F11: variants seen among roughly 807,000 people sequenced by gnomAD.
F11 encodes coagulation factor XI, also known as coagualtion factor XI.
In F11, 78 loss-of-function variants were observed where a neutral mutation model predicts 76.5. The observed-to-expected ratio is 1.02, with a 90% confidence interval of 0.85 to 1.23. The LOEUF is 1.23. Ranked by LOEUF, F11 falls within the 50% of genes most tolerant of loss-of-function variation. The pLI is 0.00. For missense variants in F11, 742 were observed against 771.4 expected (o/e 0.96, Z 0.45); for synonymous variants, 278 against 276.3 (o/e 1.01, Z -0.06).
intron 14 of F11, 137 bp from the exon 15 acceptor site, chr4:186,288,316 G>A (rs1244009584): frequency 1.3e-5 from 13 of 1,006,156 alleles, no homozygotes; most frequent in Non-Finnish European, 1.6e-5. Context: ...CTGGATGAAC[G>A]CAAGCACCCA....
intron 3 of F11, among the ~76,000 whole-genome samples, chr4:186,272,161 A>G (rs4253834): frequency 1.3e-3 from 204 of 152,178 alleles, no homozygotes; most frequent in African/African-American, 4.9e-3. Context: ...AGAAAATTTG[A>G]AAAAAAGTAC....
rs537132475 is a variant in F11, at chr4:186,277,368, A to C, written c.755+978A>C. On this transcript the variant is annotated intron_variant, in intron 7 of 14. Transcript: ENST00000403665. ...TATTGTGAATAGTGCTGCAGTAAAC[A>C]TGTGAGTGTAGGTATCTTTGTGACA... 1.4e-4 allele frequency among the ~76,000 whole-genome samples: 21 copies of C among 152,304 alleles called. No individual in the cohort carries two copies. The South Asian group carries it at 4.3e-3, about 32-fold the overall frequency.
At chr4:186,271,995 C>T (rs1740008515) in intron 3 of F11, among the ~76,000 whole-genome samples, 2 of 152,092 alleles carry the variant, frequency 1.3e-5, no homozygotes, top group South Asian at 2.1e-4. Context: ...CCTATAGTCT[C>T]ATATTAATGG....
chr4:186,283,212 C>CGTGT (rs545862573), intron 10 of F11: 1 of 174,040 alleles, frequency 5.7e-6, no homozygotes, highest in Non-Finnish European at 1.1e-5. Flanking sequence ...TAGGTGTGTG[C>CGTGT]GTGTGTGTGC....
Position 186,289,019 on chromosome 4 carries a change from C to CTTTTAT in F11, c.*405_*406insTTTTAT. On this transcript the variant is annotated 3_prime_UTR_variant, in exon 15 of 15. Coordinates refer to ENST00000403665, the MANE Select transcript of F11 (RefSeq NM_000128.4). ...AGATGAAAACTGGAAGAAAGGAGAA[C>CTTTTAT]AAAGACAGTCTTCACCATTTTGCAG... 3.8e-6 allele frequency: 1 copy of CTTTTAT among 265,716 alleles called. No homozygotes were observed. The highest frequency in any genetic ancestry group is 4.5e-5 in the South Asian group (1 of 22,250). The allele number at this position is 265,716 out of a possible 1,614,324, so 16.5% of individuals were successfully genotyped here.
chr4:186,274,905 G>A, intron 5 of F11: 1 of 178,386 alleles, frequency 5.6e-6, no homozygotes, highest in South Asian at 1.2e-4. Flanking sequence ...ACAGAAAAGT[G>A]AAAAACATTC....
In F11 at chr4:186,287,796, C is replaced by T; in HGVS notation, c.1689C>T (p.Tyr563=). Residue 563 remains tyrosine, a synonymous_variant, in exon 14 of 15, where the codon TAC becomes TAT. Coordinates refer to ENST00000403665, the MANE Select transcript of F11 (RefSeq NM_000128.4). Reference sequence around the variant, plus strand: ...CCCATAAGATGATCTGTGCCGGCTACAGGGAAGGAGGGAAGGACGCTTGCA... The same window carrying T: ...CCCATAAGATGATCTGTGCCGGCTATAGGGAAGGAGGGAAGGACGCTTGCA... ...KITHKMICAG[Y]REGGKDACKG... is the part of the protein sequence containing the mutation. 1 of 1,613,174 alleles carries T rather than the reference C, an allele frequency of 6.2e-7. No individual in the cohort carries two copies. Among genetic ancestry groups the T allele is most frequent in the Non-Finnish European group, 8.5e-7 (1 of 1,179,514 alleles).
At chr4:186,272,880 A>G (rs1740082034) in intron 3 of F11, 191 bp from the exon 4 acceptor site, 7 of 545,632 alleles carry the variant, frequency 1.3e-5, no homozygotes, top group Non-Finnish European at 1.6e-5. Flanking sequence ...GGAGTATTAC[A>G]TGCAGTCTCT....
intron 10 of F11, chr4:186,282,548 A>G: frequency 1.0e-6 from 1 of 985,330 alleles, no homozygotes; most frequent in Non-Finnish European, 1.2e-6. Flanking sequence ...GATTCTAAAC[A>G]CATATTTTCA....
At chr4:186,279,716 G>C (rs968009198) in intron 7 of F11, among the ~76,000 whole-genome samples, 3 of 152,176 alleles carry the variant, frequency 2.0e-5, no homozygotes, top group Non-Finnish European at 4.4e-5. Flanking sequence ...TAGGCTGGGA[G>C]TGTTGAAAGG....
At chr4:186,288,327 G>C (rs1223277539) in intron 14 of F11, 126 bp from the exon 15 acceptor site, 5 of 1,144,338 alleles carry the variant, frequency 4.4e-6, no homozygotes, top group Non-Finnish European at 6.6e-6. Context: ...CAAGCACCCA[G>C]GTTCTCTGCA....
At chr4:186,276,775 G>C (rs1740421292) in intron 7 of F11, among the ~76,000 whole-genome samples, 1 of 151,852 alleles carries the variant, frequency 6.6e-6, no homozygotes, top group Admixed American at 6.6e-5. Context: ...TTTTAGTAGA[G>C]ATGGGGTTTC....
chr4:186,277,270 G>A (rs76605739), intron 7 of F11, among the ~76,000 whole-genome samples: 2,221 of 152,236 alleles, frequency 0.015, 27 homozygotes, highest in Non-Finnish European at 0.023. Context: ...ACATTCTATA[G>A]TATATTCTAT....
rs531215066 is a variant in F11 at position 186,287,229 on chromosome 4, C to T, written c.1577-455C>T. 3.3e-5 allele frequency among the ~76,000 whole-genome samples: 5 copies of T among 151,982 alleles called. No homozygotes were observed. In the South Asian group the frequency reaches 1.0e-3, roughly 32 times the overall value. ...GACCTCGTGATCCACCTGCCTCGGCCTTCCAAAGTGCTGGAATTACAGGCG... is the reference window on the plus strand; with the variant it reads ...GACCTCGTGATCCACCTGCCTCGGCTTTCCAAAGTGCTGGAATTACAGGCG... On this transcript the variant is annotated intron_variant, in intron 13 of 14. Transcript: ENST00000403665.
chr4:186,278,761 G>A (rs1740566210), intron 7 of F11, among the ~76,000 whole-genome samples: 1 of 152,134 alleles, frequency 6.6e-6, no homozygotes, highest in African/African-American at 2.4e-5. Flanking sequence ...AAATTCAGAA[G>A]AGAGGTTTAT....
At chr4:186,279,959 T>C (rs1364936067) in intron 7 of F11, 53 bp from the exon 8 acceptor site, 1 of 1,348,812 alleles carries the variant, frequency 7.4e-7, no homozygotes, top group African/African-American at 1.4e-5. Flanking sequence ...GCTGTAAAAA[T>C]GTTTTTATGT....
In F11 at chr4:186,284,226, C is replaced by G; in HGVS notation, c.1270C>G (p.Gln424Glu). The G allele has an allele frequency of 6.2e-7, 1 of 1,614,230 alleles. No individual in the cohort carries two copies. The highest frequency in any genetic ancestry group is 8.5e-7 in the Non-Finnish European group (1 of 1,180,042). ...GTGTGGAGGCTCCATCATTGGAAAC[C>G]AGTGGATATTAACAGCCGCTCACTG... ...HLCGGSIIGNQWILTAAHCFY... is the reference protein window; with the variant it reads ...HLCGGSIIGNEWILTAAHCFY... Residue 424 changes from glutamine (Q) to glutamate (E), a missense_variant, in exon 11 of 15, where the codon CAG becomes GAG. Gln to Glu is a conservative substitution (Grantham distance 29, BLOSUM62 2). Coordinates refer to ENST00000403665, the MANE Select transcript of F11 (RefSeq NM_000128.4).
chr4:186,284,974 C>T (rs1028219743), intron 11 of F11, among the ~76,000 whole-genome samples: 1 of 152,060 alleles, frequency 6.6e-6, no homozygotes, highest in Non-Finnish European at 1.5e-5. Context: ...AAATACAGAA[C>T]GAGTTCGGTA....
intron 5 of F11, chr4:186,275,010 G>A (rs772688625): frequency 4.7e-5 from 12 of 254,960 alleles, no homozygotes; most frequent in Admixed American, 8.9e-5. Context: ...AAGCATCAAC[G>A]AGTTATTTCA....
Sources: allele counts gnomAD v4.1 joint callset (sites outside exome capture counted in the v4.1 genomes callset), GRCh38; gene constraint gnomAD v4.1.1; transcripts MANE v1.5; gene names NCBI Gene and HGNC (gene_info 2026-07-23, HGNC 2026-07-21).